PLEKHA1: variants seen among roughly 807,000 people sequenced by gnomAD.
The protein encoded by PLEKHA1 is pleckstrin homology domain containing A1.
Under a neutral mutation model 52.0 loss-of-function variants are expected in PLEKHA1, and 34 were observed. The observed-to-expected ratio is 0.65, with a 90% CI of 0.50 to 0.87. The LOEUF is 0.87. Ranked by LOEUF, PLEKHA1 falls within the 40% of genes least tolerant of loss-of-function variation. The probability of loss-of-function intolerance (pLI) is 0.00; values close to 1 mark genes in which losing one functional copy is unlikely to be tolerated. For synonymous variants in PLEKHA1, 163 were observed against 170.7 expected, an observed-to-expected ratio of 0.95 and a Z score of 0.35; for missense variants, 497 against 504.2, an observed-to-expected ratio of 0.99 and a Z score of 0.14.
rs747800861 is a variant in PLEKHA1 at position 122,429,616 on chromosome 10, T to G, written c.901-8T>G. 1 of 1,611,664 alleles carries G rather than the reference T, an allele frequency of 6.2e-7. No homozygotes were observed. Among genetic ancestry groups the G allele is most frequent in the Non-Finnish European group, 8.5e-7 (1 of 1,178,312 alleles). ...CTGACCGTGTCTGACTGCCACTCCT[T>G]TTTGCAGGAGCATCCCCCCGGTCCT... On this transcript the variant is annotated splice_region_variant and splice_polypyrimidine_tract_variant and intron_variant, in intron 11 of 11. Coordinates refer to ENST00000368990, the MANE Select transcript of PLEKHA1 (RefSeq NM_001001974.4).
At chr10:122,438,295 T>A in the PLEKHA1 span, 1 of 152,210 alleles carries the variant, frequency 6.6e-6, no homozygotes, top group Admixed American at 6.6e-5. Context: ...GATGGTGGCT[T>A]ATTTGTTGAT....
rs1299781682 is a variant in PLEKHA1 at position 122,430,062 on chromosome 10, A to T, written c.*124A>T. On this transcript the variant is annotated 3_prime_UTR_variant, in exon 12 of 12. Transcript: ENST00000368990. ...GTATATTATACTGCCTCTTAGGTGTACTCTTTATAAGCTGGTAAACCAAGA... is the reference window on the plus strand; with the variant it reads ...GTATATTATACTGCCTCTTAGGTGTTCTCTTTATAAGCTGGTAAACCAAGA... 2.4e-5 allele frequency: 25 copies of T among 1,046,518 alleles called. No homozygotes were observed. The South Asian group carries it at 4.2e-4, about 18-fold the overall frequency. The allele number at this position is 1,046,518 out of a possible 1,614,324, so 64.8% of individuals were successfully genotyped here. A position where few individuals can be genotyped will look rare whatever the true frequency, so the allele number is the denominator to read the frequency against.
chr10:122,403,786 G>T (rs962122075), intron 4 of PLEKHA1, among the ~76,000 whole-genome samples: 8 of 151,986 alleles, frequency 5.3e-5, no homozygotes, highest in African/African-American at 1.5e-4. Context: ...CCACCTCCTG[G>T]GTTCAAGCGA....
chr10:122,417,820 C>A, intron 7 of PLEKHA1, 80 bp from the exon 8 acceptor site: 1 of 1,028,426 alleles, frequency 9.7e-7, no homozygotes. Context: ...ATTGTGGGTT[C>A]ATATCAGGGT....
At chr10:122,407,268 T>C (rs1342085224) in intron 5 of PLEKHA1, among the ~76,000 whole-genome samples, 1 of 152,216 alleles carries the variant, frequency 6.6e-6, no homozygotes, top group African/African-American at 2.4e-5. Flanking sequence ...CAGGGCTTGG[T>C]ACCCTTGCCC....
intron 8 of PLEKHA1, chr10:122,419,343 T>C (rs896685674): frequency 5.3e-5 from 8 of 152,136 alleles, no homozygotes; most frequent in African/African-American, 1.4e-4. Flanking sequence ...GAATGAAAAA[T>C]GGCATAGCAT....
intron 2 of PLEKHA1, among the ~76,000 whole-genome samples, chr10:122,396,779 T>C (rs544163185): frequency 2.7e-4 from 41 of 152,272 alleles, no homozygotes; most frequent in Non-Finnish European, 4.6e-4. Context: ...TCTGAAATCT[T>C]CTATCAGTCT....
In PLEKHA1 at chr10:122,427,109, C is replaced by T. The variant is rs139620098; in HGVS notation, c.900+78C>T. On this transcript the variant is annotated intron_variant, in intron 11 of 11. Coordinates refer to ENST00000368990, the MANE Select transcript of PLEKHA1 (RefSeq NM_001001974.4). ...CAAATTTCCTCTCTCCCAATCCATC[C>T]GGTTTCTTTCTTTCTTGAGATTTAT... 7.2e-4 allele frequency: 949 copies of T among 1,312,426 alleles called. 16 individuals carry two copies. In the East Asian group the frequency reaches 0.019, roughly 26 times the overall value. The allele number at this position is 1,312,426 out of a possible 1,614,324, so 81.3% of individuals were successfully genotyped here. A position where few individuals can be genotyped will look rare whatever the true frequency, so the allele number is the denominator to read the frequency against.
chr10:122,424,724 A>G lies in PLEKHA1; in HGVS notation c.747-172A>G, dbSNP rs1460233658. 2.6e-5 allele frequency among the ~76,000 whole-genome samples: 4 copies of G among 152,224 alleles called. No individual in the cohort carries two copies. The East Asian group carries it at 5.8e-4, about 22-fold the overall frequency. ...GAACTTTTTCTAAAAGTGAAACTACATGAAATATGTAAAATCTTACATTAA... is the reference window on the plus strand; with the variant it reads ...GAACTTTTTCTAAAAGTGAAACTACGTGAAATATGTAAAATCTTACATTAA... On this transcript the variant is annotated intron_variant, in intron 9 of 11. Coordinates refer to ENST00000368990, the MANE Select transcript of PLEKHA1 (RefSeq NM_001001974.4).
At position 122,397,940 on chromosome 10, in the gene PLEKHA1, G is replaced by A. The variant is rs775697813; in HGVS notation, c.164G>A (p.Arg55His). ...TAGAACCTACCTTCTGGATCATCACGTGTTGGAGCCATTAAGCTTACCTAC... is the reference window on the plus strand; with the variant it reads ...TAGAACCTACCTTCTGGATCATCACATGTTGGAGCCATTAAGCTTACCTAC... The part of the protein sequence containing the change: ...NPQNLPSGSS[R>H]VGAIKLTYIS... The change falls in exon 3 of 12, where the codon CGT (arginine) becomes CAT (histidine). Residue 55 changes from arginine (R) to histidine (H), a missense_variant. Arg to His is a conservative substitution (Grantham distance 29, BLOSUM62 0). Transcript: ENST00000368990. 8.1e-6 allele frequency: 13 copies of A among 1,608,410 alleles called. No homozygotes were observed. The highest frequency in any genetic ancestry group is 1.3e-5 in the African/African-American group (1 of 74,774).
the PLEKHA1 span, chr10:122,442,466 G>A: frequency 3.3e-5 from 5 of 152,116 alleles, no homozygotes; most frequent in African/African-American, 4.8e-5. Context: ...ACATTTCAGT[G>A]ATTATACTTC....
intron 11 of PLEKHA1, chr10:122,428,199 T>C: frequency 3.0e-6 from 4 of 1,337,810 alleles, no homozygotes; most frequent in Non-Finnish European, 2.9e-6. Flanking sequence ...TAGCTATGAC[T>C]GTCAGCACAA....
chr10:122,393,400 A>T lies in PLEKHA1; in HGVS notation c.141+59A>T. 6.8e-7 allele frequency: 1 copy of T among 1,465,590 alleles called. No individual in the cohort carries two copies. The allele number at this position is 1,465,590 out of a possible 1,614,324, so 90.8% of individuals were successfully genotyped here. Reference sequence around the variant, plus strand: ...CACAGAAAGTTGTATTTAAGTATTTAACATACTATACAGGCTTTAGATTTG... The same window carrying T: ...CACAGAAAGTTGTATTTAAGTATTTTACATACTATACAGGCTTTAGATTTG... On this transcript the variant is annotated intron_variant, in intron 2 of 11. Transcript: ENST00000368990. This position sits in a 1 kb window ranked among gnomAD's most constrained non-coding sequence, Gnocchi z 4.5.
At chr10:122,383,051 T>G (rs192807367) in intron 1 of PLEKHA1, among the ~76,000 whole-genome samples, 48 of 152,326 alleles carry the variant, frequency 3.2e-4, no homozygotes, top group Non-Finnish European at 6.5e-4. Context: ...GTCAAACTTT[T>G]GAATTTTTGC....
intron 8 of PLEKHA1, chr10:122,419,139 G>C (rs1328707351): frequency 6.6e-6 from 1 of 152,160 alleles, no homozygotes; most frequent in Admixed American, 6.5e-5. Context: ...TAGACTCTGG[G>C]TTAAGTGTCT....
intron 4 of PLEKHA1, among the ~76,000 whole-genome samples, chr10:122,404,315 G>C (rs2096974350): frequency 6.6e-6 from 1 of 152,008 alleles, no homozygotes; most frequent in Non-Finnish European, 1.5e-5. Context: ...ATTTTATTCA[G>C]ATTGCAAGGT....
At chr10:122,394,085 T>G (rs2096815063) in intron 2 of PLEKHA1, among the ~76,000 whole-genome samples, 1 of 111,076 alleles carries the variant, frequency 9.0e-6, no homozygotes, top group Non-Finnish European at 2.0e-5. Context: ...TTTTTTTTTT[T>G]TTTTTTTTTT....
chr10:122,434,575 A>T (rs79245509), downstream of PLEKHA1: 1 of 151,818 alleles, frequency 6.6e-6, no homozygotes, highest in African/African-American at 2.4e-5. Flanking sequence ...TTTGAAAAGT[A>T]TTTTTTTTAT....
At chr10:122,426,329 C>G (rs1374324275) in intron 10 of PLEKHA1, among the ~76,000 whole-genome samples, 1 of 146,932 alleles carries the variant, frequency 6.8e-6, no homozygotes, top group Non-Finnish European at 1.5e-5. Context: ...ATTACTTATT[C>G]AAAAATATTC....
Sources: allele counts gnomAD v4.1 joint callset (sites outside exome capture counted in the v4.1 genomes callset), GRCh38; gene constraint gnomAD v4.1.1; non-coding constraint Gnocchi (gnomAD v3.1); transcripts MANE v1.5; gene names NCBI Gene and HGNC (gene_info 2026-07-23, HGNC 2026-07-21).